Variants in FAXC observed in about 807,000 individuals in gnomAD.
FAXC encodes failed axon connections homolog.
A neutral mutation model predicts 41.9 loss-of-function variants in FAXC; 10 were observed. The ratio of observed to expected loss-of-function variants is 0.24; its 90% CI spans 0.15 to 0.41. The LOEUF is 0.41. Among genes scored for constraint, FAXC ranks in the 10% least tolerant of loss-of-function variants. The pLI is 1.00. For missense variants in FAXC, 399 were observed against 510.9 expected, an observed-to-expected ratio of 0.78 and a Z score of 2.11; for synonymous variants, 183 against 183.8, an observed-to-expected ratio of 1.00 and a Z score of 0.03.
At chr6:99,341,977 A>T (rs530907260) in intron 2 of FAXC, among the ~76,000 whole-genome samples, 36 of 152,234 alleles carry the variant, frequency 2.4e-4, no homozygotes, top group Admixed American at 1.8e-3. Context: ...GTGAACTTTT[A>T]AAAAAAATAC....
chr6:99,313,909 A>C (rs796067866), intron 4 of FAXC, among the ~76,000 whole-genome samples: 4 of 152,298 alleles, frequency 2.6e-5, no homozygotes, highest in African/African-American at 9.6e-5. Context: ...CCCACACCTG[A>C]AATTCATGAT....
intron 3 of FAXC, among the ~76,000 whole-genome samples, chr6:99,329,937 C>T (rs750769609): frequency 6.6e-6 from 1 of 151,346 alleles, no homozygotes; most frequent in African/African-American, 2.4e-5. Context: ...CTCACTCTGT[C>T]GCCCAGGATG....
chr6:99,299,078 A>T (rs1412021030), intron 4 of FAXC, among the ~76,000 whole-genome samples: 1 of 152,164 alleles, frequency 6.6e-6, no homozygotes, highest in Non-Finnish European at 1.5e-5. Context: ...ACAAAAAAAA[A>T]TTATGGCCAT....
chr6:99,337,799 A>T (rs1309196168), intron 2 of FAXC, among the ~76,000 whole-genome samples: 1 of 152,208 alleles, frequency 6.6e-6, no homozygotes, highest in Non-Finnish European at 1.5e-5. Flanking sequence ...AGCTTTTTTT[A>T]AAAATAAGCC....
intron 3 of FAXC, 92 bp from the exon 4 acceptor site, chr6:99,323,759 C>T (rs1227459218): frequency 7.5e-6 from 7 of 934,262 alleles, no homozygotes; most frequent in Non-Finnish European, 1.2e-5. Flanking sequence ...GAATTTACTA[C>T]ACTCTGGAGG....
chr6:99,344,058 A>G (rs1005616870), intron 1 of FAXC, among the ~76,000 whole-genome samples: 1 of 152,214 alleles, frequency 6.6e-6, no homozygotes, highest in African/African-American at 2.4e-5. Context: ...GTCAAATCCA[A>G]GCCCTGCTTC....
rs1770464685 is a variant in FAXC at position 99,272,908 on chromosome 6, A to G, written c.*8256T>C. On this transcript the variant is annotated 3_prime_UTR_variant, in exon 6 of 6. Coordinates refer to ENST00000389677, the MANE Select transcript of FAXC (RefSeq NM_032511.4). The stretch of plus-strand genomic sequence containing the variant: ...GAAGTAAATTGGAAGAAAGACATTC[A>G]CAGAAAACTATTTCATATCCATTAG... 6.6e-6 allele frequency: 1 copy of G among 152,232 alleles called. No homozygotes were observed. Among genetic ancestry groups the G allele is most frequent in the African/African-American group, 2.4e-5 (1 of 41,458 alleles). 9.4% of individuals were successfully genotyped at this position (152,232 alleles called of 1,614,324 possible).
chr6:99,330,523 A>C (rs566202444), intron 3 of FAXC, among the ~76,000 whole-genome samples: 5 of 152,340 alleles, frequency 3.3e-5, no homozygotes, highest in South Asian at 4.1e-4. Context: ...GTTTATTTGA[A>C]TAGACCTAAA....
At position 99,274,100 on chromosome 6, in the gene FAXC, C is replaced by T. The variant is rs1770514769; in HGVS notation, c.*7064G>A. The T allele has an allele frequency of 1.3e-5, 2 of 152,052 alleles. No individual in the cohort carries two copies. The highest frequency in any genetic ancestry group is 2.1e-4 in the South Asian group (1 of 4,810). The allele number at this position is 152,052 out of a possible 1,614,324, so 9.4% of individuals were successfully genotyped here. A position where few individuals can be genotyped will look rare whatever the true frequency, so the allele number is the denominator to read the frequency against. ...ATGAAAAATATATGCCACAAACACT[C>T]TTGAGAGACTAGAAGGAAATTCCAA... On this transcript the variant is annotated 3_prime_UTR_variant, in exon 6 of 6. Coordinates refer to ENST00000389677, the MANE Select transcript of FAXC (RefSeq NM_032511.4).
intron 4 of FAXC, among the ~76,000 whole-genome samples, chr6:99,320,615 C>T (rs1481651473): frequency 6.6e-6 from 1 of 152,164 alleles, no homozygotes; most frequent in Non-Finnish European, 1.5e-5. Context: ...TCTGCAACAT[C>T]ACCATGTTTC....
chr6:99,319,301 A>C (rs1204474282), intron 4 of FAXC, among the ~76,000 whole-genome samples: 1 of 150,452 alleles, frequency 6.6e-6, no homozygotes, highest in Non-Finnish European at 1.5e-5. Context: ...TACGAGGGTG[A>C]GACAGGAGAA....
intron 4 of FAXC, among the ~76,000 whole-genome samples, chr6:99,321,382 G>A (rs751995959): frequency 6.6e-6 from 1 of 152,206 alleles, no homozygotes; most frequent in Admixed American, 6.5e-5. Flanking sequence ...AGCCACATCC[G>A]TGGGGATGGC....
chr6:99,349,440 G>C lies in FAXC; in HGVS notation c.-68C>G. ...GCCCGCATGGGAAGGGGCCGGCGCG[G>C]CCCGGCGCGGGCTCAGAGGCGCGCG... On this transcript the variant is annotated 5_prime_UTR_variant, in exon 1 of 6. Transcript: ENST00000389677. 1 of 1,181,834 alleles carries C rather than the reference G, an allele frequency of 8.5e-7. No homozygotes were observed. Among genetic ancestry groups the C allele is most frequent in the Non-Finnish European group, 1.0e-6 (1 of 954,452 alleles). The allele number at this position is 1,181,834 out of a possible 1,614,324, so 73.2% of individuals were successfully genotyped here.
At chr6:99,291,121 CT>C (rs764120934) in intron 5 of FAXC, among the ~76,000 whole-genome samples, 3 of 152,190 alleles carry the variant, frequency 2.0e-5, no homozygotes, top group Non-Finnish European at 2.9e-5. Context: ...CTCTGCTACT[CT>C]TAGTGAATGA....
At chr6:99,346,535 C>T (rs192943037) in intron 1 of FAXC, among the ~76,000 whole-genome samples, 3 of 152,156 alleles carry the variant, frequency 2.0e-5, no homozygotes, top group African/African-American at 7.2e-5. Flanking sequence ...ACTACAGGCG[C>T]GTGCCACCAC....
intron 5 of FAXC, among the ~76,000 whole-genome samples, chr6:99,290,851 G>A (rs1476196949): frequency 6.8e-5 from 10 of 147,144 alleles, no homozygotes; most frequent in African/African-American, 2.3e-4. Flanking sequence ...TTGCTCTGTC[G>A]CCCAGGCTGG....
chr6:99,309,241 T>C (rs1410495039), intron 4 of FAXC, among the ~76,000 whole-genome samples: 1 of 152,002 alleles, frequency 6.6e-6, no homozygotes, highest in African/African-American at 2.4e-5. Flanking sequence ...AATCATTCAG[T>C]AATTGGAACC....
Position 99,323,681 on chromosome 6 carries a change from G to A in FAXC, c.600-14C>T, listed in dbSNP as rs1376459513. 7.5e-6 allele frequency: 12 copies of A among 1,603,608 alleles called. No individual in the cohort carries two copies. Among genetic ancestry groups the A allele is most frequent in the Non-Finnish European group, 1.0e-5 (12 of 1,170,826 alleles). ...TAAGCTAATGTCCTGGAATTGTGTG[G>A]AAACAAGTTACTACTGTGCATCAGG... On this transcript the variant is annotated splice_polypyrimidine_tract_variant and intron_variant, in intron 3 of 5. Coordinates refer to ENST00000389677, the MANE Select transcript of FAXC (RefSeq NM_032511.4).
At chr6:99,340,355 C>T (rs965278180) in intron 2 of FAXC, among the ~76,000 whole-genome samples, 3 of 152,096 alleles carry the variant, frequency 2.0e-5, no homozygotes, top group South Asian at 2.1e-4. Context: ...CCAGCCTCAG[C>T]CTCCCAAAGT....
Sources: allele counts gnomAD v4.1 joint callset (sites outside exome capture counted in the v4.1 genomes callset), GRCh38; gene constraint gnomAD v4.1.1; transcripts MANE v1.5; gene names NCBI Gene and HGNC (gene_info 2026-07-23, HGNC 2026-07-21).